Variants in C3orf85 observed in about 807,000 individuals in gnomAD.
C3orf85 encodes the protein chromosome 3 open reading frame 85, also known as uncharacterized protein C3orf85.
In C3orf85, 1 loss-of-function variant was observed where a neutral mutation model predicts 1.7. That is an observed-to-expected ratio of 0.60 (90% CI 0.21 to 2.86). The LOEUF is 2.86. Ranked by LOEUF, C3orf85 falls within the 30% of genes most tolerant of loss-of-function variation. The pLI is 0.22. For synonymous variants in C3orf85, 17 were observed against 8.0 expected (o/e 2.13, Z -1.90); for missense variants, 29 against 21.3 (o/e 1.36, Z -0.72).
At chr3:109,140,040 C>T (rs971279792) in intron 2 of C3orf85, among the ~76,000 whole-genome samples, 4 of 152,174 alleles carry the variant, frequency 2.6e-5, no homozygotes, top group African/African-American at 9.7e-5. Flanking sequence ...CCCTGCAGCC[C>T]TCCAATTCCT....
chr3:109,142,675 C>T (rs1576773716), intron 2 of C3orf85, among the ~76,000 whole-genome samples: 1 of 151,720 alleles, frequency 6.6e-6, no homozygotes, highest in African/African-American at 2.4e-5. Context: ...ATGACAAGCT[C>T]CCACCGGAGT....
At chr3:109,145,802 T>C (rs1448781082) in intron 2 of C3orf85, among the ~76,000 whole-genome samples, 2 of 151,374 alleles carry the variant, frequency 1.3e-5, no homozygotes, top group Non-Finnish European at 1.5e-5. Flanking sequence ...TCCAGTGTTA[T>C]CTCTGACCAC....
chr3:109,141,327 C>T (rs575042731), intron 2 of C3orf85, among the ~76,000 whole-genome samples: 29 of 152,260 alleles, frequency 1.9e-4, no homozygotes, highest in Admixed American at 5.2e-4. Context: ...ATATGAGAGC[C>T]GGTCAGCAAT....
At position 109,137,635 on chromosome 3, in the gene C3orf85, G is replaced by GTATATATA. The variant is rs1436615146; in HGVS notation, c.49+740_49+741insATATATAT. On this transcript the variant is annotated intron_variant, in intron 2 of 3. Coordinates refer to ENST00000622536, the MANE Select transcript of C3orf85 (RefSeq NM_001351622.2). ...GATGTATATATGTGTGTGTGTGTGTGTGTATATATATATATATATATATAT... is the reference window on the plus strand; with the variant it reads ...GATGTATATATGTGTGTGTGTGTGTGTATATATATGTATATATATATATATATATATAT... 9.7e-3 allele frequency among the ~76,000 whole-genome samples: 474 copies of GTATATATA among 48,702 alleles called. 3 individuals carry two copies. The highest frequency in any genetic ancestry group is 0.018 in the African/African-American group (427 of 23,962). The allele number at this position is 48,702 out of a possible 152,430, so 32.0% of individuals were successfully genotyped here. A position where few individuals can be genotyped will look rare whatever the true frequency, so the allele number is the denominator to read the frequency against.
chr3:109,145,165 T>G (rs1706784720), intron 2 of C3orf85, among the ~76,000 whole-genome samples: 1 of 152,200 alleles, frequency 6.6e-6, no homozygotes, highest in Non-Finnish European at 1.5e-5. Flanking sequence ...CTCGTGTCCC[T>G]CACTCTTCTC....
At chr3:109,137,070 C>CTGTGTG (rs3054419) in intron 2 of C3orf85, among the ~76,000 whole-genome samples, 174 bp downstream of exon 2, 3,896 of 149,816 alleles carry the variant, frequency 0.026, 67 homozygotes, top group African/African-American at 0.057. Context: ...TTAATGTTAA[C>CTGTGTG]TGTGTGTGTG....
At chr3:109,141,983 C>T (rs944690970) in intron 2 of C3orf85, among the ~76,000 whole-genome samples, 1 of 152,094 alleles carries the variant, frequency 6.6e-6, no homozygotes, top group Non-Finnish European at 1.5e-5. Flanking sequence ...GAGCCAAGAT[C>T]GTGCCACTGC....
Position 109,151,087 on chromosome 3 carries a change from G to T in C3orf85, c.*1193G>T, listed in dbSNP as rs1476057500. ...TTAAGGCTAATTTATAACTTATTAA[G>T]TTAACTGCTATCCATTTCCAATAAA... On this transcript the variant is annotated 3_prime_UTR_variant, in exon 4 of 4. Transcript: ENST00000622536. Among the ~76,000 whole-genome samples the T allele has an allele frequency of 6.6e-6, 1 of 152,130 alleles. No individual in the cohort carries two copies. Among genetic ancestry groups the T allele is most frequent in the Non-Finnish European group, 1.5e-5 (1 of 68,038 alleles).
chr3:109,137,374 C>A (rs929625971), intron 2 of C3orf85, among the ~76,000 whole-genome samples: 5 of 151,754 alleles, frequency 3.3e-5, no homozygotes, highest in Admixed American at 3.3e-4. Flanking sequence ...CAAAATGACC[C>A]GGTAACTCAG....
chr3:109,149,972 G>A lies in C3orf85; in HGVS notation c.*78G>A. On this transcript the variant is annotated 3_prime_UTR_variant, in exon 4 of 4. Transcript: ENST00000622536. ...CATTGTGCCAAAACCATGGGTTTTA[G>A]AGATCTGAGGGTATATCCATGCTGT... 1 of 396,138 alleles carries A rather than the reference G, an allele frequency of 2.5e-6. No homozygotes were observed. The highest frequency in any genetic ancestry group is 4.5e-6 in the Non-Finnish European group (1 of 224,216). 24.5% of individuals were successfully genotyped at this position (396,138 alleles called of 1,614,324 possible).
At chr3:109,148,009 T>C (rs1706819258) in intron 2 of C3orf85, among the ~76,000 whole-genome samples, 1 of 152,204 alleles carries the variant, frequency 6.6e-6, no homozygotes, top group Non-Finnish European at 1.5e-5. Context: ...TCTGATATCC[T>C]GCTCCATCCA....
intron 2 of C3orf85, among the ~76,000 whole-genome samples, chr3:109,140,333 G>A (rs1012469651): frequency 4.6e-5 from 7 of 152,172 alleles, no homozygotes; most frequent in African/African-American, 1.7e-4. Flanking sequence ...AGCAAAGTAG[G>A]AGAATGGTTC....
intron 2 of C3orf85, among the ~76,000 whole-genome samples, chr3:109,140,354 G>C (rs753666757): frequency 3.9e-5 from 6 of 152,184 alleles, no homozygotes; most frequent in African/African-American, 1.4e-4. Flanking sequence ...CTGTTAACAG[G>C]CCCTCATTTC....
In C3orf85 at chr3:109,145,000, C is replaced by CA. The variant is rs998223732; in HGVS notation, c.50-3247dup. 1.2e-3 allele frequency among the ~76,000 whole-genome samples: 182 copies of CA among 152,150 alleles called. 1 individual carries two copies. The highest frequency in any genetic ancestry group is 4.2e-3 in the African/African-American group (173 of 41,506). On this transcript the variant is annotated intron_variant, in intron 2 of 3. Transcript: ENST00000622536. The stretch of plus-strand genomic sequence containing the variant: ...CCCATTAGTGCATTTCATCTAAAAG[C>CA]AAAAAATCAAAGCTGGTTAGTCCAC...
chr3:109,151,036 G>T lies in C3orf85; in HGVS notation c.*1142G>T, dbSNP rs956736209. ...AGTGTTTCACATTTCCCATCCTATG[G>T]CCTAGAGGTGTTTTCAGTGAGAAAT... is the stretch of plus-strand genomic sequence containing the variant. On this transcript the variant is annotated 3_prime_UTR_variant, in exon 4 of 4. Coordinates refer to ENST00000622536, the MANE Select transcript of C3orf85 (RefSeq NM_001351622.2). Among the ~76,000 whole-genome samples the T allele has an allele frequency of 2.0e-5, 3 of 152,118 alleles. No individual in the cohort carries two copies. The highest frequency in any genetic ancestry group is 7.2e-5 in the African/African-American group (3 of 41,418).
At chr3:109,149,698 T>C (rs985023323) in intron 3 of C3orf85, 107 bp from the exon 4 acceptor site, 1 of 393,724 alleles carries the variant, frequency 2.5e-6, no homozygotes, top group Non-Finnish European at 4.5e-6. Context: ...ATTCTTCCAT[T>C]ATATTTTTCT....
At chr3:109,148,081 G>A (rs183322326) in intron 2 of C3orf85, among the ~76,000 whole-genome samples, 172 bp from the exon 3 acceptor site, 1 of 152,244 alleles carries the variant, frequency 6.6e-6, no homozygotes, top group East Asian at 1.9e-4. Context: ...TTAGCATACA[G>A]TGGTGACAAA....
intron 2 of C3orf85, 67 bp from the exon 3 acceptor site, chr3:109,148,186 A>T: frequency 1.5e-6 from 1 of 649,170 alleles, no homozygotes; most frequent in Non-Finnish European, 2.8e-6. Flanking sequence ...GGGTCTCTTG[A>T]AGAGGAAACA....
Position 109,150,873 on chromosome 3 carries a change from T to C in C3orf85, c.*979T>C, listed in dbSNP as rs1436419191. On this transcript the variant is annotated 3_prime_UTR_variant, in exon 4 of 4. Coordinates refer to ENST00000622536, the MANE Select transcript of C3orf85 (RefSeq NM_001351622.2). ...TGGAAACATTTCCCTAAGACCTTAG[T>C]TGATCTTATGTGGTCTTAAAACAAT... is the stretch of plus-strand genomic sequence containing the variant. Among the ~76,000 whole-genome samples, 1 of 152,232 alleles carries C rather than the reference T, an allele frequency of 6.6e-6. No homozygotes were observed. The highest frequency in any genetic ancestry group is 1.5e-5 in the Non-Finnish European group (1 of 68,052).
Sources: allele counts gnomAD v4.1 joint callset (sites outside exome capture counted in the v4.1 genomes callset), GRCh38; gene constraint gnomAD v4.1.1; transcripts MANE v1.5; gene names NCBI Gene and HGNC (gene_info 2026-07-23, HGNC 2026-07-21).